RYR2: variants seen among roughly 807,000 people sequenced by gnomAD.
The protein encoded by RYR2 is cardiac muscle ryanodine receptor-calcium release channel.
In RYR2, 227 loss-of-function variants were observed where a neutral mutation model predicts 601.1. The observed-to-expected ratio is 0.38, with a 90% CI of 0.34 to 0.42. The LOEUF is 0.42. RYR2 is among the 10% of genes least tolerant of loss of function. The pLI is 1.00. For synonymous variants in RYR2, 2,223 were observed against 2,175.1 expected (o/e 1.02, Z -0.61); for missense variants, 4,646 against 6,156.5 (o/e 0.75, Z 8.21).
chr1:237,367,849 C>G (rs578085480), intron 5 of RYR2, among the ~76,000 whole-genome samples: 1 of 152,280 alleles, frequency 6.6e-6, no homozygotes, highest in South Asian at 2.1e-4. Flanking sequence ...GTGAGCTTCC[C>G]CATATCCAGT....
chr1:237,641,891 G>A (rs1013678972), intron 47 of RYR2, among the ~76,000 whole-genome samples: 35 of 152,124 alleles, frequency 2.3e-4, no homozygotes, highest in African/African-American at 7.7e-4. Flanking sequence ...TTAAAGTTTC[G>A]TGGAATAATA....
chr1:237,413,312 A>G (rs982011114), intron 10 of RYR2, among the ~76,000 whole-genome samples: 2 of 152,202 alleles, frequency 1.3e-5, no homozygotes, highest in East Asian at 1.9e-4. Flanking sequence ...AGATAGAGCT[A>G]AAAATATTTC....
intron 1 of RYR2, among the ~76,000 whole-genome samples, chr1:237,203,419 T>A (rs1488015723): frequency 6.6e-6 from 1 of 152,202 alleles, no homozygotes; most frequent in Non-Finnish European, 1.5e-5. Flanking sequence ...TTTCATACAT[T>A]GTAGGTAAGA....
chr1:237,192,537 TATA>T (rs1680091935), intron 1 of RYR2, among the ~76,000 whole-genome samples: 1 of 152,208 alleles, frequency 6.6e-6, no homozygotes, highest in South Asian at 2.1e-4. Context: ...TTAGATAGCA[TATA>T]ATAAATTTAT....
intron 1 of RYR2, among the ~76,000 whole-genome samples, chr1:237,227,184 A>G (rs1256863025): frequency 6.6e-6 from 1 of 152,046 alleles, no homozygotes; most frequent in Non-Finnish European, 1.5e-5. Flanking sequence ...CAGCATGGTG[A>G]CTCTAGTTAA....
At chr1:237,425,561 G>A (rs1257812892) in intron 12 of RYR2, among the ~76,000 whole-genome samples, 1 of 152,018 alleles carries the variant, frequency 6.6e-6, no homozygotes, top group Admixed American at 6.6e-5. Context: ...TTGAACTCGG[G>A]AGGCAGAGGA....
At chr1:237,515,656 C>A (rs931432910) in intron 24 of RYR2, among the ~76,000 whole-genome samples, 1 of 127,692 alleles carries the variant, frequency 7.8e-6, no homozygotes, top group South Asian at 3.2e-4. Flanking sequence ...CCTTCCCTCC[C>A]CTTCCCCTCC....
At chr1:237,207,876 A>G (rs1681994377) in intron 1 of RYR2, among the ~76,000 whole-genome samples, 1 of 152,218 alleles carries the variant, frequency 6.6e-6, no homozygotes, top group African/African-American at 2.4e-5. Flanking sequence ...AAAAACTGCA[A>G]TTACGTTTGT....
At chr1:237,795,087 A>G (rs1223450956) in intron 95 of RYR2, among the ~76,000 whole-genome samples, 2 of 152,216 alleles carry the variant, frequency 1.3e-5, no homozygotes, top group Admixed American at 1.3e-4. Context: ...TCTTTTGTAT[A>G]TATTTACATG....
intron 2 of RYR2, among the ~76,000 whole-genome samples, chr1:237,292,860 G>C (rs1311475931): frequency 1.3e-5 from 2 of 152,100 alleles, no homozygotes; most frequent in Non-Finnish European, 2.9e-5. Flanking sequence ...CTGCAACTGT[G>C]GATATGACCG....
chr1:237,452,547 A>G (rs977897694), intron 14 of RYR2, among the ~76,000 whole-genome samples: 8 of 146,582 alleles, frequency 5.5e-5, no homozygotes, highest in Non-Finnish European at 9.0e-5. Context: ...ATATAACAAC[A>G]TATATCATAT....
chr1:237,058,657 C>A (rs978755820), intron 1 of RYR2, among the ~76,000 whole-genome samples: 4 of 152,278 alleles, frequency 2.6e-5, no homozygotes, highest in Admixed American at 2.6e-4. Context: ...TGGCTCACAC[C>A]TGTAATCCCA....
At chr1:237,708,073 C>T (rs1049244711) in intron 68 of RYR2, among the ~76,000 whole-genome samples, 10 of 151,628 alleles carry the variant, frequency 6.6e-5, no homozygotes, top group African/African-American at 1.5e-4. Flanking sequence ...TGAGCCACCA[C>T]GTCTATGTCA....
intron 27 of RYR2, among the ~76,000 whole-genome samples, chr1:237,559,051 A>G (rs1272812623): frequency 3.3e-5 from 5 of 150,718 alleles, no homozygotes; most frequent in Non-Finnish European, 5.9e-5. Context: ...CTGGAGTGCA[A>G]TGGCGTGATC....
intron 1 of RYR2, among the ~76,000 whole-genome samples, chr1:237,135,988 C>T (rs1340105915): frequency 6.6e-6 from 1 of 152,180 alleles, no homozygotes; most frequent in Non-Finnish European, 1.5e-5. Flanking sequence ...AGAGGCCCCA[C>T]TCATTTCCCA....
At chr1:237,254,673 C>T (rs1210827483) in intron 1 of RYR2, among the ~76,000 whole-genome samples, 2 of 152,164 alleles carry the variant, frequency 1.3e-5, no homozygotes, top group Non-Finnish European at 2.9e-5. Context: ...GTTATGTGTA[C>T]TCTATACATA....
At chr1:237,705,497 A>G (rs1164936831) in intron 67 of RYR2, among the ~76,000 whole-genome samples, 154 bp downstream of exon 67, 1 of 152,154 alleles carries the variant, frequency 6.6e-6, no homozygotes, top group African/African-American at 2.4e-5. Context: ...TATGTGATGT[A>G]CCCTGTGATA....
intron 1 of RYR2, among the ~76,000 whole-genome samples, chr1:237,135,392 C>T (rs182328374): frequency 8.2e-4 from 123 of 149,916 alleles, no homozygotes; most frequent in African/African-American, 2.3e-3. Flanking sequence ...TTTTTTGATA[C>T]AGAGTCTCGC....
At position 237,802,592 on chromosome 1, in the gene RYR2, A is replaced by G. The variant is rs549632210; in HGVS notation, c.14151+676A>G. Reference sequence around the variant, plus strand: ...CTTAGGAGCATTCTCTAAGAGTTCAAAATCAGGTCTTCCAAGTATCTTTCA... The same window carrying G: ...CTTAGGAGCATTCTCTAAGAGTTCAGAATCAGGTCTTCCAAGTATCTTTCA... On this transcript the variant is annotated intron_variant, in intron 98 of 104. Coordinates refer to ENST00000366574, the MANE Select transcript of RYR2 (RefSeq NM_001035.3). 5.9e-5 allele frequency among the ~76,000 whole-genome samples: 9 copies of G among 152,344 alleles called. No individual in the cohort carries two copies. The South Asian group carries it at 1.9e-3, about 32-fold the overall frequency.
Sources: gnomAD v4.1 joint callset for allele counts (sites outside exome capture counted in the v4.1 genomes callset) on GRCh38, gnomAD v4.1.1 for gene constraint, MANE v1.5 for transcripts, NCBI Gene and HGNC (gene_info 2026-07-23, HGNC 2026-07-21) for gene names.